The following AGBL1 variants were observed in gnomAD, a reference collection of about 807,000 sequenced individuals.
AGBL1 encodes the protein cytosolic carboxypeptidase 4.
A neutral mutation model predicts 118.9 loss-of-function variants in AGBL1; 130 were observed. The observed-to-expected ratio is 1.09, with a 90% CI of 0.95 to 1.26. The LOEUF (loss-of-function observed/expected upper bound fraction) is 1.26, where lower values mean the gene tolerates loss of function less well. Ranked by LOEUF, AGBL1 falls within the 50% of genes most tolerant of loss-of-function variation. The probability of loss-of-function intolerance (pLI) is 0.00; values close to 1 mark genes in which losing one functional copy is unlikely to be tolerated. For synonymous variants in AGBL1, 555 were observed against 478.9 expected, an observed-to-expected ratio of 1.16 and a Z score of -2.08; for missense variants, 1,584 against 1,298.1, an observed-to-expected ratio of 1.22 and a Z score of -3.38.
intron 1 of AGBL1, among the ~76,000 whole-genome samples, chr15:86,095,317 C>G (rs1896289461): frequency 6.6e-6 from 1 of 152,156 alleles, no homozygotes; most frequent in Admixed American, 6.5e-5. Flanking sequence ...AGTCCCTCTC[C>G]TTTCCCTGGA....
chr15:86,710,044 C>T (rs552977365), intron 22 of AGBL1, among the ~76,000 whole-genome samples: 2 of 152,228 alleles, frequency 1.3e-5, no homozygotes, highest in African/African-American at 4.8e-5. Context: ...GCTAGTCTGG[C>T]TTTGAATGGG....
At position 86,247,798 on chromosome 15, in the gene AGBL1, C is replaced by T; in HGVS notation, c.654C>T (p.Leu218=). 1 of 1,613,990 alleles carries T rather than the reference C, an allele frequency of 6.2e-7. No homozygotes were observed. Among genetic ancestry groups the T allele is most frequent in the Non-Finnish European group, 8.5e-7 (1 of 1,179,888 alleles). Residue 218 remains leucine, a synonymous_variant, in exon 7 of 23, where the codon CTC becomes CTT. Coordinates refer to ENST00000614907, the MANE Select transcript of AGBL1 (RefSeq NM_001386094.1). The stretch of plus-strand genomic sequence containing the variant: ...TCCGACGGGGCTTGCTGCTCTGCCT[C>T]AGGCACATTGCTGCCCTCCGGTCCG... ...VQIRRGLLLC[L]RHIAALRSGR... is the part of the protein sequence containing the mutation.
chr15:86,811,795 C>A (rs1490155687), intron 22 of AGBL1, among the ~76,000 whole-genome samples: 3 of 152,158 alleles, frequency 2.0e-5, no homozygotes, highest in Non-Finnish European at 4.4e-5. Flanking sequence ...TAAACTGACA[C>A]AGTAACACCT....
At chr15:86,773,352 C>T (rs1252447115) in intron 22 of AGBL1, among the ~76,000 whole-genome samples, 1 of 151,962 alleles carries the variant, frequency 6.6e-6, no homozygotes, top group Non-Finnish European at 1.5e-5. Flanking sequence ...GTTTAAGTTT[C>T]TCTCTCCGGA....
chr15:86,364,992 CACACACATATATATAT>C (rs2080863270), intron 17 of AGBL1, among the ~76,000 whole-genome samples: 1 of 79,056 alleles, frequency 1.3e-5, no homozygotes, highest in Non-Finnish European at 2.8e-5. Flanking sequence ...TATATATACA[CACACACATATATATAT>C]ACACACACAT....
intron 21 of AGBL1, among the ~76,000 whole-genome samples, chr15:86,590,359 A>G (rs1397631040): frequency 1.3e-5 from 2 of 152,094 alleles, no homozygotes; most frequent in East Asian, 3.9e-4. Context: ...CATGAGAGTG[A>G]GTTCTCACAA....
chr15:86,792,859 A>C (rs952859791), intron 22 of AGBL1, among the ~76,000 whole-genome samples: 33 of 152,132 alleles, frequency 2.2e-4, no homozygotes, highest in African/African-American at 7.7e-4. Context: ...AGTCAAAGCT[A>C]TATCTCCATG....
intron 24 of AGBL1, among the ~76,000 whole-genome samples, chr15:87,002,203 C>A (rs2081447357): frequency 6.6e-6 from 1 of 152,048 alleles, no homozygotes; most frequent in African/African-American, 2.4e-5. Flanking sequence ...AGATGGCTAG[C>A]CAGTTTTCCC....
chr15:86,528,166 C>A (rs933132749), intron 19 of AGBL1, among the ~76,000 whole-genome samples: 1 of 152,138 alleles, frequency 6.6e-6, no homozygotes, highest in Non-Finnish European at 1.5e-5. Flanking sequence ...ACGCAGAAGA[C>A]GGGTGATTTC....
intron 17 of AGBL1, among the ~76,000 whole-genome samples, chr15:86,383,526 G>T (rs2141965132): frequency 6.6e-6 from 1 of 152,286 alleles, no homozygotes; most frequent in Middle Eastern, 3.4e-3. Flanking sequence ...AGTAGAGGTT[G>T]CAGTGAGCTG....
chr15:86,760,209 A>T (rs1472621102), intron 22 of AGBL1, among the ~76,000 whole-genome samples: 1 of 152,034 alleles, frequency 6.6e-6, no homozygotes, highest in Admixed American at 6.6e-5. Flanking sequence ...GCTGGGAGAA[A>T]ATGAGAAGCA....
chr15:86,404,366 G>A (rs187152840), intron 18 of AGBL1, among the ~76,000 whole-genome samples: 1 of 152,272 alleles, frequency 6.6e-6, no homozygotes, highest in Admixed American at 6.5e-5. Flanking sequence ...TCAGCTGACT[G>A]TGAATATTTA....
rs371826143 is a variant in AGBL1, at chr15:86,262,861, G to A, written c.1053G>A (p.Glu351=). 7 of 1,610,092 alleles carry A rather than the reference G, an allele frequency of 4.3e-6. No homozygotes were observed. The highest frequency in any genetic ancestry group is 5.9e-6 in the Non-Finnish European group (7 of 1,178,276). The change falls in exon 10 of 23, where the codon GAG becomes GAA. Residue 351 remains glutamate (E), a synonymous_variant. Coordinates refer to ENST00000614907, the MANE Select transcript of AGBL1 (RefSeq NM_001386094.1). Reference sequence around the variant, plus strand: ...CTGAAGAGGAACTGATGCAATATGAGGTGATGTGTCTTGAGCTCTCCTATA... The same window carrying A: ...CTGAAGAGGAACTGATGCAATATGAAGTGATGTGTCTTGAGCTCTCCTATA... The part of the protein sequence containing the change: ...DRPEEELMQY[E]VMCLELSYSF...
At chr15:86,635,186 C>G (rs1397716833) in intron 21 of AGBL1, among the ~76,000 whole-genome samples, 1 of 151,090 alleles carries the variant, frequency 6.6e-6, no homozygotes, top group Non-Finnish European at 1.5e-5. Flanking sequence ...AGAGTTTACC[C>G]ATAATTTCTT....
chr15:86,491,056 G>T (rs2077154847), intron 18 of AGBL1, among the ~76,000 whole-genome samples: 1 of 152,050 alleles, frequency 6.6e-6, no homozygotes, highest in African/African-American at 2.4e-5. Flanking sequence ...TTCTCCTTAA[G>T]TGGCTAGGGT....
intron 18 of AGBL1, among the ~76,000 whole-genome samples, chr15:86,499,731 G>A (rs1367172666): frequency 4.6e-5 from 7 of 151,842 alleles, no homozygotes; most frequent in Non-Finnish European, 1.5e-5. Flanking sequence ...ATGCATTAAA[G>A]GAAACTAAAG....
chr15:87,012,337 G>T (rs917532187), intron 24 of AGBL1, among the ~76,000 whole-genome samples: 7 of 123,502 alleles, frequency 5.7e-5, no homozygotes, highest in East Asian at 3.9e-4. Flanking sequence ...CCATATTTTT[G>T]GGGGGGTACT....
At chr15:86,990,109 G>C (rs1404573707) in intron 24 of AGBL1, among the ~76,000 whole-genome samples, 1 of 152,186 alleles carries the variant, frequency 6.6e-6, no homozygotes, top group Non-Finnish European at 1.5e-5. Context: ...GGATCCTCTG[G>C]CTTATTTGTG....
At chr15:86,895,358 A>G (rs567744648) in intron 22 of AGBL1, among the ~76,000 whole-genome samples, 3 of 151,722 alleles carry the variant, frequency 2.0e-5, no homozygotes, top group East Asian at 3.9e-4. Context: ...CTGTCAGCCT[A>G]CAAGAGTAGA....
Sources: allele counts gnomAD v4.1 joint callset (sites outside exome capture counted in the v4.1 genomes callset), GRCh38; gene constraint gnomAD v4.1.1; transcripts MANE v1.5; gene names NCBI Gene and HGNC (gene_info 2026-07-23, HGNC 2026-07-21).